APAF1: variants seen among roughly 807,000 people sequenced by gnomAD.
APAF1 encodes apoptotic peptidase activating factor 1.
A neutral mutation model predicts 152.4 loss-of-function variants in APAF1; 91 were observed. The ratio of observed to expected loss-of-function variants is 0.60; its 90% confidence interval spans 0.50 to 0.71. The LOEUF is 0.71. APAF1 is among the 30% of genes least tolerant of loss of function. APAF1 has a pLI of 0.00. For missense variants in APAF1, 1,283 were observed against 1,472.0 expected (o/e 0.87, Z 2.10); for synonymous variants, 484 against 494.1 (o/e 0.98, Z 0.27).
chr12:98,695,620 A>T (rs992303103), intron 16 of APAF1, among the ~76,000 whole-genome samples: 1 of 152,324 alleles, frequency 6.6e-6, no homozygotes. Flanking sequence ...TAGAAAAAAG[A>T]CTTTCTCTTA....
chr12:98,646,254 A>T (rs1187190589), intron 1 of APAF1, among the ~76,000 whole-genome samples: 1 of 152,202 alleles, frequency 6.6e-6, no homozygotes, highest in African/African-American at 2.4e-5. Context: ...TTTCACATCG[A>T]ATTTCATTAC....
At chr12:98,694,031 G>A (rs999033289) in intron 16 of APAF1, among the ~76,000 whole-genome samples, 3 of 152,068 alleles carry the variant, frequency 2.0e-5, no homozygotes, top group African/African-American at 7.2e-5. Flanking sequence ...TGCGGGAGAG[G>A]ACTCTCTATT....
In APAF1 at chr12:98,659,303, A is replaced by G. The variant is rs1427636277; in HGVS notation, c.670A>G (p.Lys224Glu). The G allele has an allele frequency of 6.2e-6, 10 of 1,614,208 alleles. No homozygotes were observed. The East Asian group carries it at 6.7e-5, about 11-fold the overall frequency. Residue 224 changes from lysine to glutamate, a missense_variant, in exon 5 of 27, where the codon AAA becomes GAA. By Grantham distance (56) the Lys-to-Glu change is moderately conservative (BLOSUM62 1). Transcript: ENST00000551964. Reference sequence around the variant, plus strand: ...GCTTCCACTTAATATTGAAGAGGCTAAAGACCGTCTCCGCATTCTGATGCT... The same window carrying G: ...GCTTCCACTTAATATTGAAGAGGCTGAAGACCGTCTCCGCATTCTGATGCT... ...QRLPLNIEEA[K>E]DRLRILMLRK...
At chr12:98,714,988 T>C (rs1407033225) in intron 21 of APAF1, among the ~76,000 whole-genome samples, 2 of 150,946 alleles carry the variant, frequency 1.3e-5, no homozygotes, top group African/African-American at 4.8e-5. Flanking sequence ...ATCTTTTATC[T>C]TTCCTTGTTT....
At chr12:98,712,677 C>T (rs1048265600) in intron 21 of APAF1, 9 of 447,024 alleles carry the variant, frequency 2.0e-5, no homozygotes, top group South Asian at 5.0e-5. Flanking sequence ...TCACCATGCC[C>T]GACTAATTTT....
intron 23 of APAF1, 104 bp from the exon 24 acceptor site, chr12:98,723,535 T>C: frequency 8.5e-7 from 1 of 1,176,420 alleles, no homozygotes; most frequent in Non-Finnish European, 1.2e-6. Flanking sequence ...AGCCAGTGTA[T>C]TAAAACTCTT....
intron 5 of APAF1, 57 bp from the exon 6 acceptor site, chr12:98,662,399 T>C (rs2097666678): frequency 2.3e-5 from 31 of 1,344,856 alleles, no homozygotes; most frequent in Non-Finnish European, 3.1e-5. Flanking sequence ...GATTATCTTT[T>C]TAAAAGGAAG....
Position 98,648,824 on chromosome 12 carries a change from C to G in APAF1, c.328+9C>G. 1.2e-6 allele frequency: 2 copies of G among 1,610,814 alleles called. No individual in the cohort carries two copies. Among genetic ancestry groups the G allele is most frequent in the Non-Finnish European group, 1.7e-6 (2 of 1,177,484 alleles). ...TGGAATAACTTCGTATGGTTTGTATCCATTATACCTTCTATCACTTTGCTA... is the reference window on the plus strand; with the variant it reads ...TGGAATAACTTCGTATGGTTTGTATGCATTATACCTTCTATCACTTTGCTA... On this transcript the variant is annotated intron_variant, in intron 3 of 26. Transcript: ENST00000551964.
At chr12:98,647,813 A>G (rs1336661074) in intron 1 of APAF1, among the ~76,000 whole-genome samples, 1 of 148,108 alleles carries the variant, frequency 6.8e-6, no homozygotes. Flanking sequence ...TCCATTTTAT[A>G]TACATACCCT....
At position 98,648,382 on chromosome 12, in the gene APAF1, G is replaced by A. The variant is rs765077795; in HGVS notation, c.23G>A (p.Cys8Tyr). Residue 8 changes from cysteine to tyrosine, a missense_variant, in exon 2 of 27, where the codon TGT becomes TAT. Physicochemically the swap from Cys to Tyr is radical, Grantham distance 194. Transcript: ENST00000551964. MDAKARNCLLQHREALEK... is the reference protein window; with the variant it reads MDAKARNYLLQHREALEK... ...AAGATGGATGCAAAAGCTCGAAATTGTTTGCTTCAACATAGAGAAGCTCTG... is the reference window on the plus strand; with the variant it reads ...AAGATGGATGCAAAAGCTCGAAATTATTTGCTTCAACATAGAGAAGCTCTG... 8 of 1,614,100 alleles carry A rather than the reference G, an allele frequency of 5.0e-6. 1 individual carries two copies. Among genetic ancestry groups the A allele is most frequent in the Non-Finnish European group, 6.8e-6 (8 of 1,179,988 alleles).
At position 98,667,616 on chromosome 12, in the gene APAF1, A is replaced by G. The variant is rs1056152480; in HGVS notation, c.1466A>G (p.Tyr489Cys). 47 of 1,613,802 alleles carry G rather than the reference A, an allele frequency of 2.9e-5. No homozygotes were observed. In the Admixed American group the frequency reaches 3.8e-4, roughly 13 times the overall value. The change falls in exon 10 of 27, where the codon TAT becomes TGT. Residue 489 changes from tyrosine (Y) to cysteine (C), a missense_variant. By Grantham distance (194) the Tyr-to-Cys change is radical. Coordinates refer to ENST00000551964, the MANE Select transcript of APAF1 (RefSeq NM_181861.2). ...DCMYWYNFLA[Y>C]HMASAKMHKE... ...ATGTATTGGTACAACTTTCTGGCCT[A>G]TCACATGGCCAGTGCCAAGATGCAC...
chr12:98,687,892 G>A (rs1189960631), intron 16 of APAF1, among the ~76,000 whole-genome samples: 3 of 152,044 alleles, frequency 2.0e-5, no homozygotes, highest in Non-Finnish European at 4.4e-5. Flanking sequence ...GCTCACTGCA[G>A]CCTCTGCCTC....
chr12:98,677,976 T>C (rs751592519), intron 13 of APAF1, among the ~76,000 whole-genome samples: 13 of 152,254 alleles, frequency 8.5e-5, no homozygotes, highest in Non-Finnish European at 1.5e-4. Context: ...CTAAGTTGTT[T>C]TAAAGAATTT....
chr12:98,723,343 A>T (rs1301162427), intron 23 of APAF1, 31 bp downstream of exon 23: 1 of 1,601,270 alleles, frequency 6.2e-7, no homozygotes, highest in African/African-American at 1.3e-5. Flanking sequence ...GTTTTTTGAA[A>T]AAGTATTCTC....
At chr12:98,686,924 T>C (rs769237137) in intron 16 of APAF1, 51 bp downstream of exon 16, 35 of 1,573,302 alleles carry the variant, frequency 2.2e-5, no homozygotes, top group Non-Finnish European at 3.0e-5. Context: ...GAAAGTCTTA[T>C]GATTTGATTA....
chr12:98,732,347 G>A, intron 26 of APAF1, 73 bp from the exon 27 acceptor site: 1 of 1,369,676 alleles, frequency 7.3e-7, no homozygotes, highest in Non-Finnish European at 1.0e-6. Context: ...TAGGGTAAAG[G>A]ATCTGCTGGC....
chr12:98,669,932 GCC>G (rs758439891), intron 10 of APAF1, among the ~76,000 whole-genome samples: 1 of 117,556 alleles, frequency 8.5e-6, no homozygotes, highest in African/African-American at 3.5e-5. Context: ...CCCTCTTCCT[GCC>G]CTTGCCCTTT....
In APAF1 at chr12:98,649,756, C is replaced by T. The variant is rs148273308; in HGVS notation, c.526+72C>T. 685 of 1,326,504 alleles carry T rather than the reference C, an allele frequency of 5.2e-4. 1 individual carries two copies. In the East Asian group the frequency reaches 0.012, roughly 23 times the overall value. The allele number at this position is 1,326,504 out of a possible 1,614,324, so 82.2% of individuals were successfully genotyped here. A position where few individuals can be genotyped will look rare whatever the true frequency, so the allele number is the denominator to read the frequency against. On this transcript the variant is annotated intron_variant, in intron 4 of 26. Coordinates refer to ENST00000551964, the MANE Select transcript of APAF1 (RefSeq NM_181861.2). ...GTAAAAATATTATGATATATCAATA[C>T]GTGATAAATTGAATGGTAGAAACAA...
At chr12:98,653,691 A>AAATATATAAATATATAT (rs2097652376) in intron 4 of APAF1, among the ~76,000 whole-genome samples, 1 of 15,090 alleles carries the variant, frequency 6.6e-5, no homozygotes, top group Non-Finnish European at 1.3e-4. Flanking sequence ...AAAAAAAAAA[A>AAATATATAAATATATAT]ATATATATAT....
Sources: allele counts gnomAD v4.1 joint callset (sites outside exome capture counted in the v4.1 genomes callset), GRCh38; gene constraint gnomAD v4.1.1; transcripts MANE v1.5; gene names NCBI Gene and HGNC (gene_info 2026-07-23, HGNC 2026-07-21).